The following SLC14A2 variants were observed in gnomAD, a reference collection of about 807,000 sequenced individuals.
SLC14A2 encodes the protein urea transporter 2.
SLC14A2 carries 91 observed loss-of-function variants against 104.6 expected under a neutral mutation model. The ratio of observed to expected loss-of-function variants is 0.87; its 90% CI spans 0.73 to 1.04. SLC14A2 has a LOEUF of 1.04. Ranked by LOEUF, SLC14A2 falls within the 50% of genes least tolerant of loss-of-function variation. The pLI is 0.00. For missense variants in SLC14A2, 1,189 were observed against 1,156.0 expected, an observed-to-expected ratio of 1.03 and a Z score of -0.41; for synonymous variants, 476 against 466.4, an observed-to-expected ratio of 1.02 and a Z score of -0.27.
intron 11 of SLC14A2, among the ~76,000 whole-genome samples, chr18:45,665,224 G>C (rs563652153): frequency 6.6e-6 from 1 of 152,120 alleles, no homozygotes; most frequent in Admixed American, 6.5e-5. Flanking sequence ...AGTGCAGAAC[G>C]GGGGAACAGG....
chr18:45,581,290 A>G (rs1204224277), intron 2 of SLC14A2, among the ~76,000 whole-genome samples: 1 of 152,210 alleles, frequency 6.6e-6, no homozygotes, highest in East Asian at 1.9e-4. Flanking sequence ...CTGCAGGAAC[A>G]AAGGACAGGT....
At chr18:45,604,370 C>T (rs2044835685) in intron 2 of SLC14A2, among the ~76,000 whole-genome samples, 1 of 152,148 alleles carries the variant, frequency 6.6e-6, no homozygotes. Context: ...TAATATTTAC[C>T]ATTTTAAAAT....
chr18:45,345,741 G>A (rs886845067), intron 1 of SLC14A2, among the ~76,000 whole-genome samples: 1 of 152,178 alleles, frequency 6.6e-6, no homozygotes, highest in Non-Finnish European at 1.5e-5. Flanking sequence ...TGATAGATCT[G>A]AGAGTTATTT....
chr18:45,633,310 G>GA (rs1399726978), intron 5 of SLC14A2, among the ~76,000 whole-genome samples: 63 of 152,308 alleles, frequency 4.1e-4, no homozygotes, highest in African/African-American at 1.5e-3. Flanking sequence ...CCTAAAAGCT[G>GA]AAAACCTGCT....
At chr18:45,174,731 C>G in the SLC14A2 span, among the ~76,000 whole-genome samples, 1 of 152,014 alleles carries the variant, frequency 6.6e-6, no homozygotes, top group African/African-American at 2.4e-5. Flanking sequence ...AAAAATTGGG[C>G]AGGGTAGCAG....
At chr18:45,476,767 C>T (rs2087389062) in intron 1 of SLC14A2, among the ~76,000 whole-genome samples, 1 of 152,134 alleles carries the variant, frequency 6.6e-6, no homozygotes, top group African/African-American at 2.4e-5. Context: ...TCCACTTGAT[C>T]GATTCGGCTA....
intron 2 of SLC14A2, among the ~76,000 whole-genome samples, chr18:45,556,504 G>C (rs1341472547): frequency 1.3e-5 from 2 of 152,150 alleles, no homozygotes; most frequent in African/African-American, 4.8e-5. Flanking sequence ...AGACCTTCAA[G>C]GAGGTCTGGG....
chr18:45,448,479 A>G (rs919246800), intron 1 of SLC14A2, among the ~76,000 whole-genome samples: 8 of 152,232 alleles, frequency 5.3e-5, no homozygotes, highest in African/African-American at 1.9e-4. Context: ...GGTTGTTTTC[A>G]GTAATGAAAA....
At position 45,454,559 on chromosome 18, in the gene SLC14A2, T is replaced by C. The variant is rs540518895; in HGVS notation, c.-124-28674T>C. The stretch of plus-strand genomic sequence containing the variant: ...TCTGTTCCCATTGCTTTTGGTATTT[T>C]AGACATGAAGTCTTTTCCCATGCCT... On this transcript the variant is annotated intron_variant, in intron 1 of 20. Transcript: ENST00000586448. 2.6e-5 allele frequency among the ~76,000 whole-genome samples: 4 copies of C among 152,376 alleles called. No individual in the cohort carries two copies. The East Asian group carries it at 5.8e-4, about 22-fold the overall frequency.
chr18:45,351,557 G>A (rs922442318), intron 1 of SLC14A2, among the ~76,000 whole-genome samples: 3 of 152,040 alleles, frequency 2.0e-5, no homozygotes, highest in African/African-American at 7.2e-5. Flanking sequence ...GTCTCACTAT[G>A]TTGCCCAGGC....
At chr18:45,562,274 A>G (rs924255244) in intron 2 of SLC14A2, among the ~76,000 whole-genome samples, 2 of 152,264 alleles carry the variant, frequency 1.3e-5, no homozygotes, top group Non-Finnish European at 2.9e-5. Context: ...GACAGTGCCC[A>G]GTCTATACGT....
intron 2 of SLC14A2, among the ~76,000 whole-genome samples, chr18:45,500,756 C>T (rs1033045247): frequency 6.6e-6 from 1 of 152,124 alleles, no homozygotes; most frequent in African/African-American, 2.4e-5. Context: ...ATATAAAGGT[C>T]AGGGGCAAAT....
At chr18:45,355,320 A>G (rs1341789947) in intron 1 of SLC14A2, among the ~76,000 whole-genome samples, 1 of 152,146 alleles carries the variant, frequency 6.6e-6, no homozygotes, top group African/African-American at 2.4e-5. Context: ...TCACACCTGT[A>G]ATCCCAGCAC....
chr18:45,331,300 A>AT (rs1455132628), intron 1 of SLC14A2, among the ~76,000 whole-genome samples: 1 of 152,236 alleles, frequency 6.6e-6, no homozygotes, highest in Non-Finnish European at 1.5e-5. Flanking sequence ...CTACATAAAA[A>AT]TTTTGACAAG....
chr18:45,227,400 A>G (rs1172613371), intron 1 of SLC14A2, among the ~76,000 whole-genome samples: 2 of 152,216 alleles, frequency 1.3e-5, no homozygotes, highest in Admixed American at 6.5e-5. Context: ...GTAATTTATA[A>G]AGAACAGGAA....
intron 2 of SLC14A2, among the ~76,000 whole-genome samples, chr18:45,530,538 T>C (rs1452520484): frequency 6.6e-6 from 1 of 152,142 alleles, no homozygotes; most frequent in East Asian, 1.9e-4. Context: ...GCTATTCAGG[T>C]TCTCCATATC....
chr18:45,651,772 A>T (rs1449749670), intron 10 of SLC14A2, among the ~76,000 whole-genome samples: 1 of 152,230 alleles, frequency 6.6e-6, no homozygotes, highest in Admixed American at 6.5e-5. Flanking sequence ...AGGTAAGAAC[A>T]TGAAGACCAT....
At chr18:45,269,745 G>A (rs746441894) in intron 1 of SLC14A2, among the ~76,000 whole-genome samples, 3 of 152,132 alleles carry the variant, frequency 2.0e-5, no homozygotes, top group Admixed American at 6.6e-5. Context: ...CCAGGATAAA[G>A]GGGGGAACAT....
At chr18:45,309,928 C>T (rs969607643) in intron 1 of SLC14A2, among the ~76,000 whole-genome samples, 4 of 151,960 alleles carry the variant, frequency 2.6e-5, no homozygotes, top group Admixed American at 6.5e-5. Flanking sequence ...TAGCCCTACG[C>T]AACAATATCG....
Sources: allele counts gnomAD v4.1 joint callset (sites outside exome capture counted in the v4.1 genomes callset), GRCh38; gene constraint gnomAD v4.1.1; transcripts MANE v1.5; gene names NCBI Gene and HGNC (gene_info 2026-07-23, HGNC 2026-07-21).